The following FOXN2 variants were observed in gnomAD, a reference collection of about 807,000 sequenced individuals.
FOXN2 encodes the protein forkhead box protein N2.
A neutral mutation model predicts 41.2 loss-of-function variants in FOXN2; 19 were observed. That is an observed-to-expected ratio of 0.46 (90% CI 0.32 to 0.68). The LOEUF is 0.68. Among genes scored for constraint, FOXN2 ranks in the 30% least tolerant of loss-of-function variants. The pLI is 0.03. For missense variants in FOXN2, 587 were observed against 509.4 expected (o/e 1.15, Z -1.47); for synonymous variants, 195 against 176.8 (o/e 1.10, Z -0.82).
chr2:48,343,085 G>C (rs1341089984), intron 2 of FOXN2, among the ~76,000 whole-genome samples: 1 of 152,290 alleles, frequency 6.6e-6, no homozygotes, highest in Non-Finnish European at 1.5e-5. Context: ...GTTTTAAGTA[G>C]TATTGATAAA....
chr2:48,346,793 G>A (rs745628741), intron 3 of FOXN2, 42 bp downstream of exon 3: 3 of 1,481,688 alleles, frequency 2.0e-6, no homozygotes, highest in African/African-American at 2.8e-5. Context: ...GAGGTGGGGG[G>A]ACTAATTAAC....
chr2:48,317,867 A>G (rs927925903), intron 1 of FOXN2, among the ~76,000 whole-genome samples: 1 of 151,890 alleles, frequency 6.6e-6, no homozygotes, highest in African/African-American at 2.4e-5. Context: ...TCAGCCTCCC[A>G]AAGTGCTGGG....
At chr2:48,328,382 C>A (rs1265777233) in intron 1 of FOXN2, among the ~76,000 whole-genome samples, 179 bp from the exon 2 acceptor site, 1 of 152,182 alleles carries the variant, frequency 6.6e-6, no homozygotes, top group Non-Finnish European at 1.5e-5. Context: ...TACCCACTTC[C>A]TTCCATATAC....
In FOXN2 at chr2:48,378,205, ATTAC is replaced by A. The variant is rs1263079249; in HGVS notation, c.*2764_*2767del. The A allele has an allele frequency of 2.0e-5, 3 of 152,286 alleles. No homozygotes were observed. Among genetic ancestry groups the A allele is most frequent in the Admixed American group, 1.3e-4 (2 of 15,238 alleles). The allele number at this position is 152,286 out of a possible 1,614,324, so 9.4% of individuals were successfully genotyped here. Reference sequence around the variant, plus strand: ...TTTTTGAAGTTTTTTTGTGCAATATATTACTAAATCAGTTATTATTTTACTTTTC... The same window carrying A: ...TTTTTGAAGTTTTTTTGTGCAATATATAAATCAGTTATTATTTTACTTTTC... On this transcript the variant is annotated 3_prime_UTR_variant, in exon 7 of 7. Coordinates refer to ENST00000340553, the MANE Select transcript of FOXN2 (RefSeq NM_002158.4).
At chr2:48,315,592 A>T (rs1032754989) in intron 1 of FOXN2, among the ~76,000 whole-genome samples, 1 of 152,184 alleles carries the variant, frequency 6.6e-6, no homozygotes, top group Non-Finnish European at 1.5e-5. Context: ...TCTGCGGTGG[A>T]AGAGGCCTTC....
Position 48,376,590 on chromosome 2 carries a change from A to G in FOXN2, c.*1147A>G, listed in dbSNP as rs953212364. 5.9e-5 allele frequency: 9 copies of G among 152,512 alleles called. No homozygotes were observed. Among genetic ancestry groups the G allele is most frequent in the African/African-American group, 2.2e-4 (9 of 41,456 alleles). 9.4% of individuals were successfully genotyped at this position (152,512 alleles called of 1,614,324 possible). On this transcript the variant is annotated 3_prime_UTR_variant, in exon 7 of 7. Transcript: ENST00000340553. Reference sequence around the variant, plus strand: ...ATACACCTTTTTGAGGAGGCAGTGTAACAACCTATAGTGCCATTGATCCAT... The same window carrying G: ...ATACACCTTTTTGAGGAGGCAGTGTGACAACCTATAGTGCCATTGATCCAT...
At chr2:48,314,209 C>G (rs1034767397), upstream of FOXN2, among the ~76,000 whole-genome samples, 2 of 152,274 alleles carry the variant, frequency 1.3e-5, no homozygotes, top group Non-Finnish European at 2.9e-5. Flanking sequence ...TCAGCCCGGG[C>G]ACAGGCACCG....
At chr2:48,354,545 A>G (rs1671659642) in intron 3 of FOXN2, among the ~76,000 whole-genome samples, 1 of 152,222 alleles carries the variant, frequency 6.6e-6, no homozygotes, top group South Asian at 2.1e-4. Context: ...GGTTGCAGTG[A>G]GCCGAGACTG....
intron 1 of FOXN2, among the ~76,000 whole-genome samples, chr2:48,323,027 C>G (rs900459617): frequency 6.6e-6 from 1 of 151,652 alleles, no homozygotes; most frequent in African/African-American, 2.4e-5. Flanking sequence ...GAGACATATT[C>G]TTCTAAACAT....
At chr2:48,365,035 T>C (rs867518780) in intron 5 of FOXN2, among the ~76,000 whole-genome samples, 11 of 152,226 alleles carry the variant, frequency 7.2e-5, no homozygotes, top group Admixed American at 4.6e-4. Flanking sequence ...TTTTTTCTTG[T>C]AGATTAGTAG....
rs566343675 is a variant in FOXN2 at position 48,357,705 on chromosome 2, G to A, written c.538-1342G>A. 7.2e-5 allele frequency among the ~76,000 whole-genome samples: 11 copies of A among 151,912 alleles called. 1 individual carries two copies. The South Asian group carries it at 2.3e-3, about 32-fold the overall frequency. On this transcript the variant is annotated intron_variant, in intron 3 of 6. Coordinates refer to ENST00000340553, the MANE Select transcript of FOXN2 (RefSeq NM_002158.4). ...CCTTCGCCGGCTTCCCAAAGTGCTA[G>A]GATTACAGACGTGAGCCACCGCACC...
At chr2:48,357,587 C>T (rs778669674) in intron 3 of FOXN2, among the ~76,000 whole-genome samples, 1 of 151,556 alleles carries the variant, frequency 6.6e-6, no homozygotes, top group South Asian at 2.1e-4. Context: ...TAGGCGCGCA[C>T]CACCACACCA....
At chr2:48,351,947 G>T (rs1671475953) in intron 3 of FOXN2, among the ~76,000 whole-genome samples, 1 of 152,216 alleles carries the variant, frequency 6.6e-6, no homozygotes, top group East Asian at 1.9e-4. Flanking sequence ...GGAGTTTGGG[G>T]CAGTAGGCAT....
Position 48,330,556 on chromosome 2 carries a change from A to G in FOXN2, c.-15+1854A>G, listed in dbSNP as rs553363632. ...TAGCCTCAGTCAATTTGTTTTTTTA[A>G]TATTGGTTACTTGAGAGTGATTGGA... On this transcript the variant is annotated intron_variant, in intron 2 of 6. Coordinates refer to ENST00000340553, the MANE Select transcript of FOXN2 (RefSeq NM_002158.4). 1.9e-4 allele frequency among the ~76,000 whole-genome samples: 29 copies of G among 152,096 alleles called. No homozygotes were observed. In the Middle Eastern group the frequency reaches 0.01, roughly 54 times the overall value.
At chr2:48,337,896 T>C (rs1268392061) in intron 2 of FOXN2, among the ~76,000 whole-genome samples, 1 of 152,170 alleles carries the variant, frequency 6.6e-6, no homozygotes, top group African/African-American at 2.4e-5. Context: ...GATTGTAATA[T>C]ATCTGCCTTA....
intron 3 of FOXN2, among the ~76,000 whole-genome samples, chr2:48,348,053 A>T (rs1671229391): frequency 6.7e-6 from 1 of 148,424 alleles, no homozygotes; most frequent in African/African-American, 2.5e-5. Context: ...CTTTATTTTT[A>T]TCTTGCTTTG....
At position 48,373,284 on chromosome 2, in the gene FOXN2, C is replaced by G. The variant is rs1673027489; in HGVS notation, c.704-8C>G. 3 of 1,577,100 alleles carry G rather than the reference C, an allele frequency of 1.9e-6. No individual in the cohort carries two copies. The highest frequency in any genetic ancestry group is 2.6e-6 in the Non-Finnish European group (3 of 1,154,930). On this transcript the variant is annotated splice_region_variant and splice_polypyrimidine_tract_variant and intron_variant, in intron 5 of 6. Coordinates refer to ENST00000340553, the MANE Select transcript of FOXN2 (RefSeq NM_002158.4). ...GAACATTAATATTATTACTTTTTCCCTTTTCAGAATCTGATATTGATGCTG... is the reference window on the plus strand; with the variant it reads ...GAACATTAATATTATTACTTTTTCCGTTTTCAGAATCTGATATTGATGCTG...
intron 2 of FOXN2, 58 bp from the exon 3 acceptor site, chr2:48,346,143 T>G (rs1671082858): frequency 1.4e-6 from 2 of 1,451,286 alleles, no homozygotes; most frequent in Non-Finnish European, 1.9e-6. Flanking sequence ...TGTATTTTCT[T>G]TTTCCCAGAG....
intron 1 of FOXN2, among the ~76,000 whole-genome samples, chr2:48,322,474 G>A (rs1669392997): frequency 6.6e-6 from 1 of 152,046 alleles, no homozygotes; most frequent in Non-Finnish European, 1.5e-5. Flanking sequence ...GTCCCTAGAT[G>A]CTATAGTTAA....
Sources: allele counts gnomAD v4.1 joint callset (sites outside exome capture counted in the v4.1 genomes callset), GRCh38; gene constraint gnomAD v4.1.1; transcripts MANE v1.5; gene names NCBI Gene and HGNC (gene_info 2026-07-23, HGNC 2026-07-21).